GLMN: variants seen among roughly 807,000 people sequenced by gnomAD.
GLMN encodes the protein glomulin.
In GLMN, 75 loss-of-function variants were observed where a neutral mutation model predicts 87.8. The observed-to-expected ratio is 0.85, with a 90% confidence interval of 0.71 to 1.04. GLMN has a LOEUF of 1.04. Ranked by LOEUF, GLMN falls within the 50% of genes least tolerant of loss-of-function variation. The pLI is 0.00. For synonymous variants in GLMN, 206 were observed against 221.6 expected (o/e 0.93, Z 0.63); for missense variants, 588 against 658.8 (o/e 0.89, Z 1.18).
At chr1:92,370,163 G>T in the GLMN span, among the ~76,000 whole-genome samples, 1 of 152,224 alleles carries the variant, frequency 6.6e-6, no homozygotes, top group African/African-American at 2.4e-5. Flanking sequence ...GGGATTACAG[G>T]CATGAGCCAC....
In GLMN at chr1:92,268,233, T is replaced by G. The variant is rs1440366922; in HGVS notation, c.978-98A>C. 5 of 692,596 alleles carry G rather than the reference T, an allele frequency of 7.2e-6. 1 individual carries two copies. In the East Asian group the frequency reaches 8.1e-5, roughly 11 times the overall value. 42.9% of individuals were successfully genotyped at this position (692,596 alleles called of 1,614,324 possible). On this transcript the variant is annotated intron_variant, in intron 9 of 18. Coordinates refer to ENST00000370360, the MANE Select transcript of GLMN (RefSeq NM_053274.3). ...ACAGCAAAAACTGAAATTTTAACAC[T>G]TTTAAAATGCATATCATTAAGGAGA...
At chr1:92,339,588 T>G in the GLMN span, among the ~76,000 whole-genome samples, 1 of 152,206 alleles carries the variant, frequency 6.6e-6, no homozygotes, top group Non-Finnish European at 1.5e-5. Context: ...TGGAGACTGG[T>G]AATAGTGACA....
the GLMN span, among the ~76,000 whole-genome samples, chr1:92,346,364 A>G: frequency 6.6e-6 from 1 of 151,858 alleles, no homozygotes; most frequent in Non-Finnish European, 1.5e-5. Flanking sequence ...GTGTCTTGCT[A>G]TATTGCCCAG....
chr1:92,294,289 A>C (rs1649776282), intron 3 of GLMN, among the ~76,000 whole-genome samples: 1 of 152,186 alleles, frequency 6.6e-6, no homozygotes, highest in South Asian at 2.1e-4. Flanking sequence ...GGAAGAAGAC[A>C]AAATGACACC....
intron 7 of GLMN, among the ~76,000 whole-genome samples, chr1:92,280,705 G>A (rs1037778140): frequency 5.9e-5 from 9 of 151,874 alleles, no homozygotes; most frequent in African/African-American, 2.2e-4. Flanking sequence ...ATCACAAGGA[G>A]GATAAAAACC....
At chr1:92,258,899 A>C (rs1021561559) in intron 16 of GLMN, among the ~76,000 whole-genome samples, 5 of 150,100 alleles carry the variant, frequency 3.3e-5, no homozygotes, top group African/African-American at 1.3e-4. Flanking sequence ...AAAAGTATTG[A>C]AAAAAAACCA....
chr1:92,263,501 A>C (rs937316349), intron 15 of GLMN, 122 bp downstream of exon 15: 1 of 728,588 alleles, frequency 1.4e-6, no homozygotes, highest in Non-Finnish European at 2.5e-6. Context: ...ATGTAACTTA[A>C]TGAATTAGCC....
intron 16 of GLMN, among the ~76,000 whole-genome samples, chr1:92,254,459 A>G (rs185193742): frequency 1.3e-5 from 2 of 152,330 alleles, no homozygotes; most frequent in East Asian, 3.9e-4. Flanking sequence ...CCCAAGACAC[A>G]TAATCATCAG....
the GLMN span, among the ~76,000 whole-genome samples, chr1:92,337,829 T>C: frequency 6.6e-6 from 1 of 152,142 alleles, no homozygotes; most frequent in African/African-American, 2.4e-5. Context: ...TAAATACAGG[T>C]CTTCAAGGTT....
chr1:92,345,457 G>C, the GLMN span, among the ~76,000 whole-genome samples: 1 of 147,158 alleles, frequency 6.8e-6, no homozygotes, highest in Non-Finnish European at 1.5e-5. Context: ...GGGAGGGACA[G>C]AGGGAGGGAG....
At chr1:92,342,307 A>G in the GLMN span, among the ~76,000 whole-genome samples, 3 of 152,198 alleles carry the variant, frequency 2.0e-5, no homozygotes, top group African/African-American at 7.2e-5. Context: ...AGCAGGTGCA[A>G]AGACTAAACC....
chr1:92,345,848 T>A, the GLMN span: 3 of 1,577,296 alleles, frequency 1.9e-6, no homozygotes, highest in Non-Finnish European at 2.6e-6. Flanking sequence ...TCTTTCAGGT[T>A]AACAAATAGA....
At chr1:92,280,526 G>A (rs1462972269) in intron 7 of GLMN, among the ~76,000 whole-genome samples, 1 of 152,216 alleles carries the variant, frequency 6.6e-6, no homozygotes. Flanking sequence ...GAGCAGAAAA[G>A]CTGAAAATTC....
At chr1:92,342,433 G>A in the GLMN span, among the ~76,000 whole-genome samples, 5 of 152,202 alleles carry the variant, frequency 3.3e-5, no homozygotes, top group African/African-American at 4.8e-5. Flanking sequence ...GGGGTTGGGT[G>A]TAGTACAGAC....
intron 7 of GLMN, among the ~76,000 whole-genome samples, chr1:92,276,530 T>C (rs1214513309): frequency 6.6e-6 from 1 of 151,606 alleles, no homozygotes; most frequent in Non-Finnish European, 1.5e-5. Flanking sequence ...GGTGGGACGA[T>C]GTGTGCCTGC....
chr1:92,334,664 A>G, the GLMN span, among the ~76,000 whole-genome samples: 1 of 152,066 alleles, frequency 6.6e-6, no homozygotes, highest in African/African-American at 2.4e-5. Context: ...CCTGGGCAGC[A>G]TAGTAAGACC....
the GLMN span, among the ~76,000 whole-genome samples, chr1:92,321,496 C>G: frequency 6.6e-6 from 1 of 151,876 alleles, no homozygotes; most frequent in African/African-American, 2.4e-5. Context: ...TTACATTTCC[C>G]CACAGCTTGC....
upstream of GLMN, chr1:92,303,852 C>CT (rs1351304966): frequency 5.5e-6 from 3 of 543,518 alleles, no homozygotes; most frequent in Non-Finnish European, 9.2e-6. Context: ...ATTCTAACCT[C>CT]TAACTTATGA....
In GLMN at chr1:92,264,652, T is replaced by C. The variant is rs181127428; in HGVS notation, c.1215-14A>G. 7.4e-7 allele frequency: 1 copy of C among 1,352,150 alleles called. No individual in the cohort carries two copies. The highest frequency in any genetic ancestry group is 1.2e-5 in the South Asian group (1 of 85,586). The allele number at this position is 1,352,150 out of a possible 1,614,324, so 83.8% of individuals were successfully genotyped here. ...TTCAATAAGCACCTTGAAAGCAAAA[T>C]TACAATAGATGTGAAATTATCCTGG... On this transcript the variant is annotated splice_polypyrimidine_tract_variant and intron_variant, in intron 13 of 18. Transcript: ENST00000370360.
Sources: gnomAD v4.1 joint callset for allele counts (sites outside exome capture counted in the v4.1 genomes callset) on GRCh38, gnomAD v4.1.1 for gene constraint, MANE v1.5 for transcripts, NCBI Gene and HGNC (gene_info 2026-07-23, HGNC 2026-07-21) for gene names.